Variants in GOT2 observed in about 807,000 individuals in gnomAD.
GOT2 encodes glutamic-oxaloacetic transaminase 2, also known as aspartate aminotransferase, mitochondrial.
Under a neutral mutation model 50.0 loss-of-function variants are expected in GOT2, and 17 were observed. The observed-to-expected ratio is 0.34, with a 90% CI of 0.23 to 0.51. GOT2 has a LOEUF of 0.51. Ranked by LOEUF, GOT2 falls within the 20% of genes least tolerant of loss-of-function variation. The probability of loss-of-function intolerance (pLI) is 0.97; values close to 1 mark genes in which losing one functional copy is unlikely to be tolerated. For synonymous variants in GOT2, 172 were observed against 204.9 expected (o/e 0.84, Z 1.37); for missense variants, 430 against 559.6 (o/e 0.77, Z 2.34).
chr16:58,719,643 T>C (rs773515725), intron 3 of GOT2, among the ~76,000 whole-genome samples: 1 of 151,890 alleles, frequency 6.6e-6, no homozygotes, highest in Non-Finnish European at 1.5e-5. Context: ...TAATCCCAGC[T>C]ACTGGAAAGG....
At chr16:58,722,412 C>A in intron 2 of GOT2, 134 bp from the exon 3 acceptor site, 1 of 817,110 alleles carries the variant, frequency 1.2e-6, no homozygotes, top group Non-Finnish European at 1.9e-6. Flanking sequence ...GCTCTGTCAC[C>A]CAGGCTGGAG....
rs2044855602 is a variant in GOT2, at chr16:58,733,884, T to G, written c.89+256A>C. 7 of 390,054 alleles carry G rather than the reference T, an allele frequency of 1.8e-5. No homozygotes were observed. The Admixed American group carries it at 3.1e-4, about 17-fold the overall frequency. The allele number at this position is 390,054 out of a possible 1,614,324, so 24.2% of individuals were successfully genotyped here. A position where few individuals can be genotyped will look rare whatever the true frequency, so the allele number is the denominator to read the frequency against. ...GGCCACACTTCCTTTCCCTAGGGAT[T>G]GCGTTGCACGCCTTCCTGCAGGGCC... is the stretch of plus-strand genomic sequence containing the variant. On this transcript the variant is annotated intron_variant, in intron 1 of 9. Transcript: ENST00000245206.
intron 8 of GOT2, 84 bp downstream of exon 8, chr16:58,715,930 A>G: frequency 1.9e-6 from 2 of 1,051,486 alleles, no homozygotes; most frequent in Non-Finnish European, 2.8e-6. Flanking sequence ...GGTACTGTAT[A>G]TCACTAGAGG....
chr16:58,728,852 T>C (rs77219142), intron 1 of GOT2, among the ~76,000 whole-genome samples: 6,293 of 152,104 alleles, frequency 0.041, 383 homozygotes, highest in East Asian at 0.29. Context: ...GGCTAATTTT[T>C]TTATTTTTAT....
In GOT2 at chr16:58,730,693, C is replaced by G. The variant is rs559799884; in HGVS notation, c.89+3447G>C. Among the ~76,000 whole-genome samples the G allele has an allele frequency of 1.2e-4, 19 of 152,268 alleles. No individual in the cohort carries two copies. In the South Asian group the frequency reaches 3.9e-3, roughly 32 times the overall value. ...AGGGAATACTCAATTTGATTAGCCC[C>G]ACATTAGTAACCATCTTTCAACTCC... On this transcript the variant is annotated intron_variant, in intron 1 of 9. Transcript: ENST00000245206.
At position 58,723,874 on chromosome 16, in the gene GOT2, G is replaced by A. The variant is rs1428801837; in HGVS notation, c.118C>T (p.Pro40Ser). The change falls in exon 2 of 10, where the codon CCT (proline) becomes TCT (serine). Residue 40 changes from proline (P) to serine (S), a missense_variant. Physicochemically the swap from Pro to Ser is moderately conservative, Grantham distance 74 (BLOSUM62 -1). Transcript: ENST00000245206. ...SSWWTHVEMG[P>S]PDPILGVTEA... ...GTGACTCCCAGAATGGGATCTGGAG[G>A]TCCCATTTCCACATGGGTCCACCAG... The A allele has an allele frequency of 1.9e-6, 3 of 1,613,114 alleles. No homozygotes were observed. Among genetic ancestry groups the A allele is most frequent in the Non-Finnish European group, 2.5e-6 (3 of 1,179,152 alleles).
rs925969997 is a variant in GOT2 at position 58,726,330 on chromosome 16, C to T, written c.90-2428G>A. ...CCTCCCAAGTAGCTGGGATTACAAA[C>T]TCCTGCCACCATGCGCAGCTAATTT... On this transcript the variant is annotated intron_variant, in intron 1 of 9. Transcript: ENST00000245206. 2.6e-5 allele frequency among the ~76,000 whole-genome samples: 4 copies of T among 151,934 alleles called. No individual in the cohort carries two copies. The East Asian group carries it at 7.8e-4, about 30-fold the overall frequency.
At chr16:58,727,637 A>G (rs1415078304) in intron 1 of GOT2, among the ~76,000 whole-genome samples, 1 of 152,150 alleles carries the variant, frequency 6.6e-6, no homozygotes, top group Admixed American at 6.5e-5. Context: ...CCAGGGCATT[A>G]TTATGGGATA....
At position 58,716,093 on chromosome 16, in the gene GOT2, G is replaced by C. The variant is rs1010932155; in HGVS notation, c.940C>G (p.Pro314Ala). The C allele has an allele frequency of 6.2e-7, 1 of 1,613,710 alleles. No homozygotes were observed. Among genetic ancestry groups the C allele is most frequent in the African/African-American group, 1.3e-5 (1 of 74,890 alleles). ...TTGAGGGGAGGGTTGGAATACATGG[G>C]ACGGATCAAGATCTTCAACTGTGAC... Reference protein sequence around the residue: ...VESQLKILIRPMYSNPPLNGA... With the variant: ...VESQLKILIRAMYSNPPLNGA... Residue 314 changes from proline (P) to alanine (A), a missense_variant, in exon 8 of 10, where the codon CCC becomes GCC. Pro to Ala is a conservative substitution (Grantham distance 27). Coordinates refer to ENST00000245206, the MANE Select transcript of GOT2 (RefSeq NM_002080.4).
In GOT2 at chr16:58,708,045, T is replaced by C. The variant is rs72792419; in HGVS notation, c.*126A>G. 55,707 of 899,286 alleles carry C rather than the reference T, an allele frequency of 0.062. 2,119 individuals carry two copies. Among genetic ancestry groups the C allele is most frequent in the Non-Finnish European group, 0.074 (43,320 of 585,230 alleles). 55.7% of individuals were successfully genotyped at this position (899,286 alleles called of 1,614,324 possible). A position where few individuals can be genotyped will look rare whatever the true frequency, so the allele number is the denominator to read the frequency against. On this transcript the variant is annotated 3_prime_UTR_variant, in exon 10 of 10. Coordinates refer to ENST00000245206, the MANE Select transcript of GOT2 (RefSeq NM_002080.4). ...TGAGAAACATTCAAATGCTGAGTGT[T>C]ACACACTGTGGCTGAAAGAAATGAT...
chr16:58,716,036 T>C lies in GOT2; in HGVS notation c.997A>G (p.Thr333Ala), dbSNP rs1176100841. 9 of 1,611,850 alleles carry C rather than the reference T, an allele frequency of 5.6e-6. No individual in the cohort carries two copies. Among genetic ancestry groups the C allele is most frequent in the African/African-American group, 2.7e-5 (2 of 74,626 alleles). The stretch of plus-strand genomic sequence containing the variant: ...TACCATTGTTTTCGCAAATCTGGGG[T>C]GTTCAGAATGGCAGCAGCAATCCGG... Reference protein sequence around the residue: ...GARIAAAILNTPDLRKQWLQE... With the variant: ...GARIAAAILNAPDLRKQWLQE... The change falls in exon 8 of 10, where the codon ACC (threonine) becomes GCC (alanine). Residue 333 changes from threonine to alanine, a missense_variant. By Grantham distance (58) the Thr-to-Ala change is moderately conservative. Transcript: ENST00000245206.
At chr16:58,718,350 G>T (rs987825531) in intron 5 of GOT2, 50 bp from the exon 6 acceptor site, 2 of 1,485,688 alleles carry the variant, frequency 1.3e-6, no homozygotes, top group South Asian at 1.1e-5. Flanking sequence ...AAAGGAAATG[G>T]TTTATCTGAA....
intron 1 of GOT2, chr16:58,733,939 C>A: frequency 2.5e-6 from 1 of 398,532 alleles, no homozygotes; most frequent in East Asian, 3.6e-5. Context: ...ATGTGGGATC[C>A]TGAGGATCAC....
intron 1 of GOT2, among the ~76,000 whole-genome samples, chr16:58,726,885 G>A (rs535601491): frequency 2.0e-5 from 3 of 151,478 alleles, no homozygotes; most frequent in Admixed American, 2.0e-4. Context: ...CGGGTGCAGT[G>A]GCTCACGCCT....
chr16:58,719,486 G>A (rs983897002), intron 3 of GOT2, among the ~76,000 whole-genome samples: 1 of 152,190 alleles, frequency 6.6e-6, no homozygotes, highest in Non-Finnish European at 1.5e-5. Flanking sequence ...GGCTGGGTGC[G>A]GTGGCTCATG....
At chr16:58,708,362 A>G (rs759465305) in intron 9 of GOT2, 69 bp from the exon 10 acceptor site, 12 of 1,475,862 alleles carry the variant, frequency 8.1e-6, no homozygotes, top group Non-Finnish European at 1.1e-5. Flanking sequence ...GACATGGCAC[A>G]GTAGCCAACT....
intron 9 of GOT2, 165 bp downstream of exon 9, chr16:58,709,252 G>C: frequency 1.5e-6 from 1 of 653,282 alleles, no homozygotes; most frequent in South Asian, 2.2e-5. Flanking sequence ...TTCAGAGCGA[G>C]ACTGTCTCAA....
chr16:58,726,112 G>A (rs1305752747), intron 1 of GOT2, among the ~76,000 whole-genome samples: 1 of 152,212 alleles, frequency 6.6e-6, no homozygotes, highest in African/African-American at 2.4e-5. Flanking sequence ...TTCCCAGGGA[G>A]AACTACCATC....
chr16:58,728,718 T>A (rs2044807413), intron 1 of GOT2, among the ~76,000 whole-genome samples: 1 of 152,154 alleles, frequency 6.6e-6, no homozygotes, highest in African/African-American at 2.4e-5. Context: ...TCTCACTGGG[T>A]TGCCCAGGCT....
Sources: allele counts gnomAD v4.1 joint callset (sites outside exome capture counted in the v4.1 genomes callset), GRCh38; gene constraint gnomAD v4.1.1; transcripts MANE v1.5; gene names NCBI Gene and HGNC (gene_info 2026-07-23, HGNC 2026-07-21).